CHCHD2: variants seen among roughly 807,000 people sequenced by gnomAD.
CHCHD2 encodes coiled-coil-helix-coiled-coil-helix domain containing 2.
A neutral mutation model predicts 17.5 loss-of-function variants in CHCHD2; 17 were observed. The observed-to-expected ratio is 0.97, with a 90% CI of 0.67 to 1.46. CHCHD2 has a LOEUF of 1.46. Ranked by LOEUF, CHCHD2 falls within the 40% of genes most tolerant of loss-of-function variation. The probability of loss-of-function intolerance (pLI) is 0.00; values close to 1 mark genes in which losing one functional copy is unlikely to be tolerated. For synonymous variants in CHCHD2, 63 were observed against 74.3 expected (o/e 0.85, Z 0.78); for missense variants, 175 against 199.9 (o/e 0.88, Z 0.75).
chr7:56,104,449 G>T lies in CHCHD2; in HGVS notation c.77C>A (p.Pro26His). 2 of 1,601,636 alleles carry T rather than the reference G, an allele frequency of 1.2e-6. No individual in the cohort carries two copies. Among genetic ancestry groups the T allele is most frequent in the Non-Finnish European group, 1.7e-6 (2 of 1,171,946 alleles). The change falls in exon 2 of 4, where the codon CCC (proline) becomes CAC (histidine). Residue 26 changes from proline to histidine, a missense_variant. Coordinates refer to ENST00000395422, the MANE Select transcript of CHCHD2 (RefSeq NM_016139.4). ...TGGCTGAGCGACTGGTGCTGGCCTG[G>T]GTGCAGCTCTCATCTGAGGGGCCCG... ...ASRAPQMRAA[P>H]RPAPVAQPPA...
Position 56,101,818 on chromosome 7 carries a change from T to G in CHCHD2, c.*33A>C, listed in dbSNP as rs770403282. ...ACTAAATTAACTTAGTTATGAGAGC[T>G]GATTTTCCATCTCTCCAGGTTGAAC... On this transcript the variant is annotated 3_prime_UTR_variant, in exon 4 of 4. Transcript: ENST00000395422. The G allele has an allele frequency of 1.3e-6, 2 of 1,598,882 alleles. No individual in the cohort carries two copies. Among genetic ancestry groups the G allele is most frequent in the East Asian group, 2.2e-5 (1 of 44,800 alleles).
In CHCHD2 at chr7:56,101,770, C is replaced by G. The variant is rs1024184381; in HGVS notation, c.*81G>C. 5.7e-5 allele frequency: 74 copies of G among 1,293,476 alleles called. No homozygotes were observed. Among genetic ancestry groups the G allele is most frequent in the Non-Finnish European group, 8.2e-5 (74 of 899,640 alleles). The allele number at this position is 1,293,476 out of a possible 1,614,324, so 80.1% of individuals were successfully genotyped here. A position where few individuals can be genotyped will look rare whatever the true frequency, so the allele number is the denominator to read the frequency against. ...TTAACTGATGGTTACACTTTATACC[C>G]TCACTATCAATTCTATTTTTATACT... is the stretch of plus-strand genomic sequence containing the variant. On this transcript the variant is annotated 3_prime_UTR_variant, in exon 4 of 4. Transcript: ENST00000395422.
chr7:56,102,635 T>C, intron 3 of CHCHD2: 1 of 464,390 alleles, frequency 2.2e-6, no homozygotes. Flanking sequence ...CCCAAAGTGC[T>C]GGGATTACAA....
At position 56,101,725 on chromosome 7, in the gene CHCHD2, C is replaced by G; in HGVS notation, c.*126G>C. 1 of 873,618 alleles carries G rather than the reference C, an allele frequency of 1.1e-6. No individual in the cohort carries two copies. Among genetic ancestry groups the G allele is most frequent in the Non-Finnish European group, 1.8e-6 (1 of 551,450 alleles). 54.1% of individuals were successfully genotyped at this position (873,618 alleles called of 1,614,324 possible). A position where few individuals can be genotyped will look rare whatever the true frequency, so the allele number is the denominator to read the frequency against. On this transcript the variant is annotated 3_prime_UTR_variant, in exon 4 of 4. Transcript: ENST00000395422. ...CCATTTCAATTCTGAAGCAAGGAAGCCAGGAATGACAGGAGAGGTTTAACT... is the reference window on the plus strand; with the variant it reads ...CCATTTCAATTCTGAAGCAAGGAAGGCAGGAATGACAGGAGAGGTTTAACT...
At position 56,102,876 on chromosome 7, in the gene CHCHD2, G is replaced by A; in HGVS notation, c.436C>T (p.Leu146Phe). 6.2e-7 allele frequency: 1 copy of A among 1,613,942 alleles called. No homozygotes were observed. Among genetic ancestry groups the A allele is most frequent in the South Asian group, 1.1e-5 (1 of 91,076 alleles). The change falls in exon 3 of 4, where the codon CTT becomes TTT. Residue 146 changes from leucine (L) to phenylalanine (F), a missense_variant. Leu to Phe is a conservative substitution (Grantham distance 22, BLOSUM62 0). Coordinates refer to ENST00000395422, the MANE Select transcript of CHCHD2 (RefSeq NM_016139.4). Reference protein sequence around the residue: ...GFNEVLKQCRLANGLA With the variant: ...GFNEVLKQCRFANGLA ...TGGACAAATTACCTACCGTTTGCAA[G>A]TCGGCACTGTTTCAGCACCTCATTG...
At chr7:56,102,660 G>T (rs1384153486) in intron 3 of CHCHD2, 1 of 559,832 alleles carries the variant, frequency 1.8e-6, no homozygotes, top group Non-Finnish European at 3.1e-6. Context: ...GAGCCACTGT[G>T]CCTGGCCTAT....
At chr7:56,105,589 C>G (rs892240284) in intron 1 of CHCHD2, among the ~76,000 whole-genome samples, 5 of 152,130 alleles carry the variant, frequency 3.3e-5, no homozygotes, top group Non-Finnish European at 5.9e-5. Flanking sequence ...CAGCCAGGGC[C>G]ACATAATGAG....
At chr7:56,102,348 CT>C (rs57427081) in intron 3 of CHCHD2, among the ~76,000 whole-genome samples, 2,210 of 145,048 alleles carry the variant, frequency 0.015, 19 homozygotes, top group South Asian at 0.032. Flanking sequence ...TTTATACCTT[CT>C]TTTTTTTTTT....
In CHCHD2 at chr7:56,102,381, T is replaced by C. The variant is rs144832700; in HGVS notation, c.445+486A>G. Among the ~76,000 whole-genome samples the C allele has an allele frequency of 8.9e-3, 1,340 of 150,708 alleles. 8 individuals carry two copies. Among genetic ancestry groups the C allele is most frequent in the Non-Finnish European group, 0.015 (1,036 of 67,752 alleles). ...TTTTTTTCTTTTAAATTTGAGACAG[T>C]GTCTCCCACTGGAGACACCCAGTTG... On this transcript the variant is annotated intron_variant, in intron 3 of 3. Transcript: ENST00000395422.
intron 2 of CHCHD2, 36 bp from the exon 3 acceptor site, chr7:56,103,047 A>G: frequency 1.9e-6 from 3 of 1,612,594 alleles, no homozygotes; most frequent in Non-Finnish European, 2.5e-6. Flanking sequence ...GCTGAGAAAG[A>G]AAATCATACT....
chr7:56,102,241 T>C (rs1452855095), intron 3 of CHCHD2, among the ~76,000 whole-genome samples: 1 of 152,196 alleles, frequency 6.6e-6, no homozygotes, highest in Non-Finnish European at 1.5e-5. Context: ...TGTCTATTCC[T>C]GGATTTTGGT....
Position 56,106,355 on chromosome 7 carries a change from T to C in CHCHD2, c.50+9A>G. 3 of 1,612,566 alleles carry C rather than the reference T, an allele frequency of 1.9e-6. No individual in the cohort carries two copies. The highest frequency in any genetic ancestry group is 2.5e-6 in the Non-Finnish European group (3 of 1,179,202). On this transcript the variant is annotated intron_variant, in intron 1 of 3. Transcript: ENST00000395422. ...CGCGCTTTGGTCTCAAACCCTGCGA[T>C]GGTCTCACCTGGCCGGAGGGGCCAT... is the stretch of plus-strand genomic sequence containing the variant.
chr7:56,102,452 C>T lies in CHCHD2; in HGVS notation c.445+415G>A, dbSNP rs148310657. On this transcript the variant is annotated intron_variant, in intron 3 of 3. Coordinates refer to ENST00000395422, the MANE Select transcript of CHCHD2 (RefSeq NM_016139.4). Reference sequence around the variant, plus strand: ...CAGGATCTTGGCTCACTGCAACCTCCGCCTCCCGGGTTCAAGCAATTCTCC... The same window carrying T: ...CAGGATCTTGGCTCACTGCAACCTCTGCCTCCCGGGTTCAAGCAATTCTCC... Among the ~76,000 whole-genome samples, 171 of 152,074 alleles carry T rather than the reference C, an allele frequency of 1.1e-3. 1 individual carries two copies. The highest frequency in any genetic ancestry group is 3.8e-3 in the African/African-American group (159 of 41,488).
In CHCHD2 at chr7:56,104,233, G is replaced by A. The variant is rs2115579934; in HGVS notation, c.293C>T (p.Thr98Ile). ...TGCTGCCTAAATTCCCACCTGGTAAGTGATGTCAGGCCTCGCAGGCTCAGC... is the reference window on the plus strand; with the variant it reads ...TGCTGCCTAAATTCCCACCTGGTAAATGATGTCAGGCCTCGCAGGCTCAGC... Reference protein sequence around the residue: ...SNAEPARPDITYQEPQGTQPA... With the variant: ...SNAEPARPDIIYQEPQGTQPA... Residue 98 changes from threonine to isoleucine, a missense_variant, in exon 2 of 4, where the codon ACT (threonine) becomes ATT (isoleucine). Transcript: ENST00000395422. 2 of 1,612,958 alleles carry A rather than the reference G, an allele frequency of 1.2e-6. No individual in the cohort carries two copies. Among genetic ancestry groups the A allele is most frequent in the Non-Finnish European group, 8.5e-7 (1 of 1,178,966 alleles).
Position 56,106,443 on chromosome 7 carries a change from C to G in CHCHD2, c.-30G>C. The G allele has an allele frequency of 6.2e-7, 1 of 1,611,464 alleles. No homozygotes were observed. The highest frequency in any genetic ancestry group is 2.2e-5 in the East Asian group (1 of 44,824). Reference sequence around the variant, plus strand: ...GGTAAGCGACGGCTAGGCCTCCGGACGTGGGACAACCACCGAAGAGCTAAG... The same window carrying G: ...GGTAAGCGACGGCTAGGCCTCCGGAGGTGGGACAACCACCGAAGAGCTAAG... On this transcript the variant is annotated 5_prime_UTR_variant, in exon 1 of 4. Coordinates refer to ENST00000395422, the MANE Select transcript of CHCHD2 (RefSeq NM_016139.4).
chr7:56,102,679 A>T (rs1656219415), intron 3 of CHCHD2, 188 bp downstream of exon 3: 1 of 640,498 alleles, frequency 1.6e-6, no homozygotes, highest in Non-Finnish European at 2.6e-6. Context: ...ATACCTTCTA[A>T]AGGAAGAAAA....
At chr7:56,105,131 G>C (rs1366219175) in intron 1 of CHCHD2, among the ~76,000 whole-genome samples, 1 of 137,258 alleles carries the variant, frequency 7.3e-6, no homozygotes, top group East Asian at 2.2e-4. Context: ...GGCTCGTCTC[G>C]AACTCCTGAC....
In CHCHD2 at chr7:56,106,446, G is replaced by A. The variant is rs780978381; in HGVS notation, c.-33C>T. The A allele has an allele frequency of 1.4e-5, 22 of 1,610,998 alleles. No homozygotes were observed. The highest frequency in any genetic ancestry group is 1.6e-5 in the Non-Finnish European group (19 of 1,177,710). On this transcript the variant is annotated 5_prime_UTR_variant, in exon 1 of 4. Transcript: ENST00000395422. ...AAGCGACGGCTAGGCCTCCGGACGT[G>A]GGACAACCACCGAAGAGCTAAGCGA...
In CHCHD2 at chr7:56,104,288, T is replaced by C. The variant is rs149119842; in HGVS notation, c.238A>G (p.Ile80Val). 86 of 1,613,724 alleles carry C rather than the reference T, an allele frequency of 5.3e-5. 1 individual carries two copies. The highest frequency in any genetic ancestry group is 7.0e-5 in the Non-Finnish European group (83 of 1,179,770). ...CTTCCTCCACTGAAGCCCCCAGTAA[T>C]GGCGTGACCCAATGTGTGCCCCACA... ...SAVGHTLGHA[I>V]TGGFSGGSNA... is the part of the protein sequence containing the mutation. The change falls in exon 2 of 4, where the codon ATT becomes GTT. Residue 80 changes from isoleucine to valine, a missense_variant. By Grantham distance (29) the Ile-to-Val change is conservative. Transcript: ENST00000395422.
Sources: gnomAD v4.1 joint callset for allele counts (sites outside exome capture counted in the v4.1 genomes callset) on GRCh38, gnomAD v4.1.1 for gene constraint, MANE v1.5 for transcripts, NCBI Gene and HGNC (gene_info 2026-07-23, HGNC 2026-07-21) for gene names.